Variants in NDUFB5 observed in about 807,000 individuals in gnomAD.
NDUFB5 encodes NADH:ubiquinone oxidoreductase subunit B5, also known as NADH dehydrogenase [ubiquinone] 1 beta subcomplex subunit 5, mitochondrial.
In NDUFB5, 19 loss-of-function variants were observed where a neutral mutation model predicts 19.4. That is an observed-to-expected ratio of 0.98 (90% CI 0.68 to 1.43). The LOEUF (loss-of-function observed/expected upper bound fraction) is 1.43. Ranked by LOEUF, NDUFB5 falls within the 40% of genes most tolerant of loss-of-function variation. The pLI, the probability that NDUFB5 is intolerant of heterozygous loss-of-function variation, is 0.00. For missense variants in NDUFB5, 233 were observed against 236.5 expected, an observed-to-expected ratio of 0.99 and a Z score of 0.10; for synonymous variants, 80 against 82.6, an observed-to-expected ratio of 0.97 and a Z score of 0.17.
At chr3:179,612,475 CTTTTTTTTTTTT>C (rs760879075) in intron 1 of NDUFB5, among the ~76,000 whole-genome samples, 3 of 122,868 alleles carry the variant, frequency 2.4e-5, no homozygotes, top group Non-Finnish European at 5.0e-5. Flanking sequence ...TGCATTAAAC[CTTTTTTTTTTTT>C]TTTTTTTTGA....
intron 5 of NDUFB5, among the ~76,000 whole-genome samples, chr3:179,620,281 A>G (rs7616758): frequency 0.64 from 96,824 of 151,268 alleles, 31,254 homozygotes; most frequent in East Asian, 0.89. Context: ...CCATGCCTAT[A>G]TCCTGAATGG....
intron 5 of NDUFB5, among the ~76,000 whole-genome samples, chr3:179,621,157 A>G (rs1719523659): frequency 1.3e-5 from 2 of 152,018 alleles, no homozygotes; most frequent in Admixed American, 1.3e-4. Flanking sequence ...GACTCACTGC[A>G]GCCTTGGTCT....
intron 1 of NDUFB5, chr3:179,607,921 C>T (rs960235906): frequency 1.5e-5 from 10 of 655,008 alleles, no homozygotes; most frequent in Admixed American, 4.6e-5. Context: ...CTGAATTGTC[C>T]GTTGTCCATT....
rs761570206 is a variant in NDUFB5, at chr3:179,624,012, A to T, written c.542A>T (p.His181Leu). The T allele has an allele frequency of 2.0e-5, 32 of 1,613,832 alleles. No homozygotes were observed. The highest frequency in any genetic ancestry group is 2.5e-5 in the Non-Finnish European group (30 of 1,179,908). The change falls in exon 6 of 6, where the codon CAT becomes CTT. Residue 181 changes from histidine (H) to leucine (L), a missense_variant. Physicochemically the swap from His to Leu is moderately conservative, Grantham distance 99. Transcript: ENST00000259037. ...YETIDKELIDHSPKATPDN is the reference protein window; with the variant it reads ...YETIDKELIDLSPKATPDN ...ACAATTGACAAGGAACTTATTGATC[A>T]TTCTCCGAAAGCAACTCCTGACAAT...
intron 4 of NDUFB5, chr3:179,617,273 G>C (rs756859282): frequency 4.7e-5 from 15 of 322,104 alleles, no homozygotes; most frequent in Non-Finnish European, 8.6e-5. Context: ...ACGTCGCTGG[G>C]ATCACAGGTG....
intron 1 of NDUFB5, 42 bp downstream of exon 1, chr3:179,604,981 G>A (rs1250098281): frequency 6.6e-7 from 1 of 1,509,870 alleles, no homozygotes; most frequent in Admixed American, 2.6e-5. Flanking sequence ...AGCGGGTGCG[G>A]GGCGAGAAAA....
In NDUFB5 at chr3:179,623,956, G is replaced by A. The variant is rs540303121; in HGVS notation, c.486G>A (p.Val162=). ...TGGAAGTGCGAAAATTGATGCATGTGAGAGGAGATGGACCCTGGTATTACT... is the reference window on the plus strand; with the variant it reads ...TGGAAGTGCGAAAATTGATGCATGTAAGAGGAGATGGACCCTGGTATTACT... ...KELEVRKLMH[V]RGDGPWYYYE... The change falls in exon 6 of 6, where the codon GTG becomes GTA. Residue 162 remains valine, a synonymous_variant. Coordinates refer to ENST00000259037, the MANE Select transcript of NDUFB5 (RefSeq NM_002492.4). 3.2e-4 allele frequency: 519 copies of A among 1,613,978 alleles called. 3 individuals are homozygous for A. In the South Asian group the frequency reaches 5.4e-3, roughly 17 times the overall value.
intron 1 of NDUFB5, among the ~76,000 whole-genome samples, chr3:179,611,986 AT>A (rs1053467578): frequency 4.0e-5 from 6 of 149,612 alleles, no homozygotes; most frequent in South Asian, 2.1e-4. Context: ...TAATAATTTA[AT>A]TTTTTTTTGA....
chr3:179,606,085 C>T (rs1426507034), intron 1 of NDUFB5, among the ~76,000 whole-genome samples: 1 of 152,208 alleles, frequency 6.6e-6, no homozygotes, highest in Non-Finnish European at 1.5e-5. Context: ...AGCCACTGCA[C>T]CTGACCAATA....
In NDUFB5 at chr3:179,627,421, C is replaced by T. The variant is rs968392410; in HGVS notation, c.*3381C>T. 1.3e-5 allele frequency: 2 copies of T among 152,120 alleles called. No homozygotes were observed. The highest frequency in any genetic ancestry group is 1.9e-4 in the East Asian group (1 of 5,202). The allele number at this position is 152,120 out of a possible 1,614,324, so 9.4% of individuals were successfully genotyped here. A position where few individuals can be genotyped will look rare whatever the true frequency, so the allele number is the denominator to read the frequency against. ...GGTCACTAGACAGATAAACTCAAGT[C>T]GCAAAACATGTTTTTCCTTGAAAAG... On this transcript the variant is annotated 3_prime_UTR_variant, in exon 6 of 6. Transcript: ENST00000259037.
intron 3 of NDUFB5, 67 bp downstream of exon 3, chr3:179,616,116 T>C: frequency 2.7e-6 from 3 of 1,112,948 alleles, no homozygotes; most frequent in Non-Finnish European, 4.0e-6. Flanking sequence ...TGTACATTAA[T>C]ATAAAAAAGA....
chr3:179,605,218 G>A (rs1719052251), intron 1 of NDUFB5, among the ~76,000 whole-genome samples: 1 of 152,212 alleles, frequency 6.6e-6, no homozygotes, highest in Non-Finnish European at 1.5e-5. Context: ...ATAGAGCTGA[G>A]ATCTGTATCT....
At chr3:179,612,766 G>T (rs796961534) in intron 1 of NDUFB5, among the ~76,000 whole-genome samples, 6 of 152,166 alleles carry the variant, frequency 3.9e-5, no homozygotes, top group African/African-American at 1.2e-4. Context: ...GTGAGCCGCC[G>T]CGCTCAGCCA....
chr3:179,605,517 G>A (rs1443788263), intron 1 of NDUFB5, among the ~76,000 whole-genome samples: 2 of 152,128 alleles, frequency 1.3e-5, no homozygotes, highest in African/African-American at 2.4e-5. Flanking sequence ...CCAGGCTGGA[G>A]TGCAGTGGCG....
At chr3:179,618,840 G>A (rs1719451753) in intron 5 of NDUFB5, among the ~76,000 whole-genome samples, 1 of 151,564 alleles carries the variant, frequency 6.6e-6, no homozygotes. Context: ...GGCAGTGTGA[G>A]ACTCCGTCTC....
chr3:179,616,151 C>A, intron 3 of NDUFB5, 102 bp downstream of exon 3: 1 of 843,442 alleles, frequency 1.2e-6, no homozygotes, highest in South Asian at 1.7e-5. Context: ...TAATGAAAAG[C>A]TCTTTAAATA....
At chr3:179,615,908 T>TCATA (rs1337062136) in intron 2 of NDUFB5, 75 bp from the exon 3 acceptor site, 1 of 1,121,480 alleles carries the variant, frequency 8.9e-7, no homozygotes, top group African/African-American at 1.6e-5. Context: ...TATGAGGAAA[T>TCATA]CATATCATGA....
chr3:179,619,617 T>C (rs9758723), intron 5 of NDUFB5, among the ~76,000 whole-genome samples: 66,005 of 152,026 alleles, frequency 0.43, 16,819 homozygotes, highest in East Asian at 0.64. Context: ...ACATTTGGCT[T>C]GTCCAAGTCT....
chr3:179,605,148 C>G (rs1719048958), intron 1 of NDUFB5, among the ~76,000 whole-genome samples: 1 of 151,696 alleles, frequency 6.6e-6, no homozygotes, highest in African/African-American at 2.4e-5. Context: ...ATTTCTAAAA[C>G]GTTGTTATTC....
Sources: allele counts gnomAD v4.1 joint callset (sites outside exome capture counted in the v4.1 genomes callset), GRCh38; gene constraint gnomAD v4.1.1; transcripts MANE v1.5; gene names NCBI Gene and HGNC (gene_info 2026-07-23, HGNC 2026-07-21).